The following ANO10 variants were observed in gnomAD, a reference collection of about 807,000 sequenced individuals.
ANO10 encodes the protein anoctamin-10.
Under a neutral mutation model 74.7 loss-of-function variants are expected in ANO10, and 77 were observed. The ratio of observed to expected loss-of-function variants is 1.03; its 90% CI spans 0.86 to 1.25. The LOEUF (loss-of-function observed/expected upper bound fraction) is 1.25, where lower values mean the gene tolerates loss of function less well. Ranked by LOEUF, ANO10 falls within the 50% of genes most tolerant of loss-of-function variation. The pLI, the probability that ANO10 is intolerant of heterozygous loss-of-function variation, is 0.00. For synonymous variants in ANO10, 279 were observed against 284.9 expected (o/e 0.98, Z 0.21); for missense variants, 721 against 778.1 (o/e 0.93, Z 0.87).
intron 12 of ANO10, among the ~76,000 whole-genome samples, chr3:43,389,290 G>C (rs2092212718): frequency 6.6e-6 from 1 of 152,198 alleles, no homozygotes; most frequent in Non-Finnish European, 1.5e-5. Flanking sequence ...GAGAGCACAA[G>C]AGATAAGCTG....
chr3:43,667,431 T>A (rs1282731109), intron 1 of ANO10, among the ~76,000 whole-genome samples: 3 of 152,198 alleles, frequency 2.0e-5, no homozygotes, highest in African/African-American at 7.2e-5. Context: ...TATTGTTTTT[T>A]AAAATTTTTT....
Position 43,646,325 on chromosome 3 carries a change from G to A in ANO10, c.-11-40462C>T, listed in dbSNP as rs529438067. The stretch of plus-strand genomic sequence containing the variant: ...TTTCCACTTCCCTATTTTGAGCAGG[G>A]ATGATGAGGAGGAGGGAGAGTAGAC... On this transcript the variant is annotated intron_variant, in intron 1 of 3. Transcript: ENST00000413397. 1.6e-4 allele frequency among the ~76,000 whole-genome samples: 25 copies of A among 152,290 alleles called. No homozygotes were observed. The East Asian group carries it at 4.4e-3, about 27-fold the overall frequency.
In ANO10 at chr3:43,407,931, T is replaced by C. The variant is rs146436445; in HGVS notation, c.1914+24680A>G. 5.2e-3 allele frequency among the ~76,000 whole-genome samples: 797 copies of C among 152,300 alleles called. 8 individuals are homozygous for C. Among genetic ancestry groups the C allele is most frequent in the African/African-American group, 0.018 (764 of 41,554 alleles). On this transcript the variant is annotated intron_variant, in intron 12 of 12. Transcript: ENST00000292246. Reference sequence around the variant, plus strand: ...CCACATGGAGGGGCTGGGGTTTCTCTTGAGTCATGCAGAGCTGCTAAAAAA... The same window carrying C: ...CCACATGGAGGGGCTGGGGTTTCTCCTGAGTCATGCAGAGCTGCTAAAAAA...
intron 1 of ANO10, among the ~76,000 whole-genome samples, chr3:43,640,750 A>C (rs148354753): frequency 2.6e-5 from 4 of 152,334 alleles, no homozygotes; most frequent in African/African-American, 9.6e-5. Flanking sequence ...TCAGAGTCTG[A>C]GGAACCTAAT....
chr3:43,656,700 G>A (rs1163550550), intron 1 of ANO10, among the ~76,000 whole-genome samples: 1 of 152,228 alleles, frequency 6.6e-6, no homozygotes, highest in Non-Finnish European at 1.5e-5. Context: ...CGGGGCAGCA[G>A]GGCCGGCCGG....
intron 11 of ANO10, among the ~76,000 whole-genome samples, chr3:43,530,876 G>A (rs1304137920): frequency 6.6e-6 from 1 of 150,492 alleles, no homozygotes; most frequent in Non-Finnish European, 1.5e-5. Context: ...TGGGACTAAT[G>A]TGTGTGTGTG....
intron 1 of ANO10, among the ~76,000 whole-genome samples, chr3:43,606,152 C>T (rs1007563977): frequency 2.6e-5 from 4 of 151,958 alleles, no homozygotes; most frequent in Admixed American, 6.6e-5. Context: ...CTCACACAAG[C>T]GGAATAAGAA....
rs571382354 is a variant in ANO10 at position 43,431,584 on chromosome 3, C to G, written c.1914+1027G>C. 5.9e-5 allele frequency among the ~76,000 whole-genome samples: 9 copies of G among 152,032 alleles called. No individual in the cohort carries two copies. The South Asian group carries it at 1.9e-3, about 32-fold the overall frequency. ...TACCATATAGACACACTGGCTAGCC[C>G]ACATGCCAAAAGTGAACTTGCCCAA... is the stretch of plus-strand genomic sequence containing the variant. On this transcript the variant is annotated intron_variant, in intron 12 of 12. Coordinates refer to ENST00000292246, the MANE Select transcript of ANO10 (RefSeq NM_018075.5).
At chr3:43,568,624 T>A (rs1318623315) in intron 7 of ANO10, among the ~76,000 whole-genome samples, 1 of 149,384 alleles carries the variant, frequency 6.7e-6, no homozygotes, top group African/African-American at 2.5e-5. Flanking sequence ...ATAAAGATGT[T>A]CTTTGAAACC....
intron 11 of ANO10, among the ~76,000 whole-genome samples, chr3:43,494,154 A>T (rs573611239): frequency 1.5e-3 from 221 of 152,328 alleles, no homozygotes; most frequent in African/African-American, 5.1e-3. Flanking sequence ...GAGCAAACAT[A>T]AAATAATTAG....
At chr3:43,386,357 G>A (rs1353869645) in intron 12 of ANO10, among the ~76,000 whole-genome samples, 2 of 150,584 alleles carry the variant, frequency 1.3e-5, no homozygotes, top group African/African-American at 2.4e-5. Flanking sequence ...AAGGAAGAAG[G>A]AAGGGAAATA....
At chr3:43,472,349 A>C (rs1156402368) in intron 11 of ANO10, 3 of 133,764 alleles carry the variant, frequency 2.2e-5, no homozygotes, top group Non-Finnish European at 5.0e-5. Context: ...TACACCAAAA[A>C]GTATGACTTT....
intron 11 of ANO10, among the ~76,000 whole-genome samples, chr3:43,443,770 T>C (rs2093199668): frequency 7.0e-6 from 1 of 143,630 alleles, no homozygotes; most frequent in Admixed American, 7.2e-5. Flanking sequence ...AACCTCCACC[T>C]TCCAGGTTCC....
At chr3:43,624,103 T>A (rs149024435), upstream of ANO10, among the ~76,000 whole-genome samples, 971 of 152,332 alleles carry the variant, frequency 6.4e-3, 40 homozygotes, top group Admixed American at 0.059. Context: ...ATTAAAACTT[T>A]CTGTTAAGTA....
intron 1 of ANO10, among the ~76,000 whole-genome samples, chr3:43,649,931 T>G (rs575369898): frequency 1.3e-5 from 2 of 152,084 alleles, no homozygotes; most frequent in South Asian, 4.2e-4. Context: ...TGTCCAGGGG[T>G]CGGAGGCTGT....
intron 1 of ANO10, among the ~76,000 whole-genome samples, chr3:43,620,276 A>C (rs193142176): frequency 1.2e-3 from 189 of 152,314 alleles, no homozygotes; most frequent in African/African-American, 4.4e-3. Context: ...AAGTGAGAAA[A>C]TGTAAGGTGG....
At chr3:43,436,485 G>C (rs942118419) in intron 11 of ANO10, among the ~76,000 whole-genome samples, 10 of 152,114 alleles carry the variant, frequency 6.6e-5, no homozygotes, top group South Asian at 2.1e-4. Flanking sequence ...CAGTGAAGGT[G>C]GGGGGAGGGT....
chr3:43,396,088 TG>T (rs1261827539), intron 12 of ANO10, among the ~76,000 whole-genome samples: 4 of 151,768 alleles, frequency 2.6e-5, no homozygotes, highest in Non-Finnish European at 5.9e-5. Context: ...TTTTTTTTTT[TG>T]CTTGATGGCG....
intron 1 of ANO10, among the ~76,000 whole-genome samples, chr3:43,681,575 A>G (rs1221306370): frequency 2.0e-5 from 3 of 152,186 alleles, no homozygotes; most frequent in Admixed American, 6.5e-5. Flanking sequence ...GCACCAAGCG[A>G]ACCTAATAGA....
Sources: allele counts gnomAD v4.1 joint callset (sites outside exome capture counted in the v4.1 genomes callset), GRCh38; gene constraint gnomAD v4.1.1; transcripts MANE v1.5; gene names NCBI Gene and HGNC (gene_info 2026-07-23, HGNC 2026-07-21).